Variants in FNDC9 observed in about 807,000 individuals in gnomAD.
FNDC9 encodes the protein fibronectin type III domain-containing protein 9.
FNDC9 carries 3 observed loss-of-function variants against 9.0 expected under a neutral mutation model. That is an observed-to-expected ratio of 0.33 (90% CI 0.15 to 0.86). The LOEUF is 0.86. Among genes scored for constraint, FNDC9 ranks in the 40% least tolerant of loss-of-function variants. The pLI, the probability that FNDC9 is intolerant of heterozygous loss-of-function variation, is 0.53. For synonymous variants in FNDC9, 114 were observed against 115.6 expected (o/e 0.99, Z 0.09); for missense variants, 279 against 287.2 (o/e 0.97, Z 0.21).
rs141743285 is a variant in FNDC9 at position 157,343,006 on chromosome 5, C to A, written c.531G>T (p.Gly177=). 304 of 1,614,078 alleles carry A rather than the reference C, an allele frequency of 1.9e-4. No individual in the cohort carries two copies. Among genetic ancestry groups the A allele is most frequent in the Non-Finnish European group, 2.4e-4 (286 of 1,180,042 alleles). The change falls in exon 2 of 2, where the codon GGG becomes GGT. Residue 177 remains glycine, a synonymous_variant. Transcript: ENST00000312349. ...DLGQREEDLQ[G]LPLVEMPRKN... ...TGCGTGGCATTTCCACCAGGGGGAG[C>A]CCCTGCAGGTCTTCCTCCCTCTGAC...
chr5:157,343,665 A>C, intron 1 of FNDC9, 122 bp from the exon 2 acceptor site: 1 of 805,934 alleles, frequency 1.2e-6, no homozygotes, highest in East Asian at 2.7e-5. Flanking sequence ...TCTTACAGAC[A>C]AAGAAATGGA....
chr5:157,342,634 G>T lies in FNDC9; in HGVS notation c.*228C>A. ...CTTTCAATTCTTAACTGTGTCCTCC[G>T]AGTGGACGCTGCTGCTGAGATGCCT... is the stretch of plus-strand genomic sequence containing the variant. On this transcript the variant is annotated 3_prime_UTR_variant, in exon 2 of 2. Coordinates refer to ENST00000312349, the MANE Select transcript of FNDC9 (RefSeq NM_001001343.4). The T allele has an allele frequency of 6.4e-6, 3 of 468,894 alleles. No homozygotes were observed. Among genetic ancestry groups the T allele is most frequent in the South Asian group, 1.1e-4 (2 of 18,164 alleles). The allele number at this position is 468,894 out of a possible 1,614,324, so 29.0% of individuals were successfully genotyped here. A position where few individuals can be genotyped will look rare whatever the true frequency, so the allele number is the denominator to read the frequency against.
rs921564733 is a variant in FNDC9 at position 157,343,004 on chromosome 5, A to T, written c.533T>A (p.Leu178His). Reference protein sequence around the residue: ...LGQREEDLQGLPLVEMPRKNS... With the variant: ...LGQREEDLQGHPLVEMPRKNS... ...CTTGCGTGGCATTTCCACCAGGGGG[A>T]GCCCCTGCAGGTCTTCCTCCCTCTG... The change falls in exon 2 of 2, where the codon CTC becomes CAC. Residue 178 changes from leucine (L) to histidine (H), a missense_variant. Transcript: ENST00000312349. The T allele has an allele frequency of 3.1e-6, 5 of 1,613,854 alleles. No individual in the cohort carries two copies. In the African/African-American group the frequency reaches 6.7e-5, roughly 22 times the overall value.
chr5:157,343,091 G>A lies in FNDC9; in HGVS notation c.446C>T (p.Ala149Val), dbSNP rs1762407017. The A allele has an allele frequency of 1.9e-6, 3 of 1,614,200 alleles. No individual in the cohort carries two copies. The highest frequency in any genetic ancestry group is 2.5e-6 in the Non-Finnish European group (3 of 1,180,010). ...RCHEPRWSYRAGHMEEANGLV... is the reference protein window; with the variant it reads ...RCHEPRWSYRVGHMEEANGLV... ...CCCATTGGCCTCCTCCATGTGGCCA[G>A]CCCTGTAAGACCATCGCGGCTCATG... Residue 149 changes from alanine (A) to valine (V), a missense_variant, in exon 2 of 2, where the codon GCT (alanine) becomes GTT (valine). Transcript: ENST00000312349.
chr5:157,343,703 A>G (rs1005942947), intron 1 of FNDC9, among the ~76,000 whole-genome samples, 160 bp from the exon 2 acceptor site: 6 of 152,282 alleles, frequency 3.9e-5, no homozygotes, highest in Admixed American at 2.0e-4. Context: ...ATTTAGGCAT[A>G]GCGAAAAAGT....
Position 157,342,895 on chromosome 5 carries a change from G to T in FNDC9, c.642C>A (p.Asp214Glu), listed in dbSNP as rs746587472. The change falls in exon 2 of 2, where the codon GAC (aspartate) becomes GAA (glutamate). Residue 214 changes from aspartate (D) to glutamate (E), a missense_variant. Coordinates refer to ENST00000312349, the MANE Select transcript of FNDC9 (RefSeq NM_001001343.4). ...DAGALQRGGG[D>E]PPAILPHCGE is the part of the protein sequence containing the mutation. ...CACAATGAGGCAGTATAGCGGGTGG[G>T]TCACCACCCCCCCTCTGTAAGGCAC... The T allele has an allele frequency of 3.7e-6, 6 of 1,613,734 alleles. No individual in the cohort carries two copies. The highest frequency in any genetic ancestry group is 1.3e-5 in the African/African-American group (1 of 74,916).
chr5:157,343,311 T>C lies in FNDC9; in HGVS notation c.226A>G (p.Ile76Val). 1 of 1,614,134 alleles carries C rather than the reference T, an allele frequency of 6.2e-7. No homozygotes were observed. The highest frequency in any genetic ancestry group is 8.5e-7 in the Non-Finnish European group (1 of 1,180,012). The change falls in exon 2 of 2, where the codon ATC (isoleucine) becomes GTC (valine). Residue 76 changes from isoleucine (I) to valine (V), a missense_variant. Ile to Val is a conservative substitution (Grantham distance 29, BLOSUM62 3). Transcript: ENST00000312349. ...GGGAAGGCAGCCTTCTTACAGCTGA[T>C]GCACAGGAAGTAGAGAGTGGAAGGG... ...LAPSTLYFLC[I>V]SCKKAAFPYR...
At chr5:157,343,634 C>G in intron 1 of FNDC9, 91 bp from the exon 2 acceptor site, 1 of 1,030,040 alleles carries the variant, frequency 9.7e-7, no homozygotes, top group African/African-American at 1.6e-5. Flanking sequence ...ACATTTGAGA[C>G]GGGCACTCAT....
At chr5:157,344,118 A>C (rs1231596824) in intron 1 of FNDC9, among the ~76,000 whole-genome samples, 1 of 151,976 alleles carries the variant, frequency 6.6e-6, no homozygotes, top group East Asian at 1.9e-4. Context: ...TCTCACCCCA[A>C]AGCTTCTGCT....
At chr5:157,344,736 C>T (rs535582345) in intron 1 of FNDC9, among the ~76,000 whole-genome samples, 31 of 152,186 alleles carry the variant, frequency 2.0e-4, no homozygotes, top group Non-Finnish European at 5.9e-5. Flanking sequence ...CACATGAAAC[C>T]CCGTAGGTTT....
rs557822459 is a variant in FNDC9 at position 157,345,376 on chromosome 5, C to T, written c.-8+165G>A. The T allele has an allele frequency of 3.9e-5, 6 of 152,728 alleles. No individual in the cohort carries two copies. The South Asian group carries it at 1.2e-3, about 32-fold the overall frequency. The allele number at this position is 152,728 out of a possible 1,614,324, so 9.5% of individuals were successfully genotyped here. On this transcript the variant is annotated intron_variant, in intron 1 of 1. Transcript: ENST00000312349. Reference sequence around the variant, plus strand: ...TTTCTGTCAAGACGCAAATAGCATCCTCACCTTTTAGGACCAGGTCCGTCT... The same window carrying T: ...TTTCTGTCAAGACGCAAATAGCATCTTCACCTTTTAGGACCAGGTCCGTCT...
rs373483059 is a variant in FNDC9, at chr5:157,343,309, G to A, written c.228C>T (p.Ile76=). ...LAPSTLYFLC[I]SCKKAAFPYR... is the part of the protein sequence containing the mutation. Reference sequence around the variant, plus strand: ...AAGGGAAGGCAGCCTTCTTACAGCTGATGCACAGGAAGTAGAGAGTGGAAG... The same window carrying A: ...AAGGGAAGGCAGCCTTCTTACAGCTAATGCACAGGAAGTAGAGAGTGGAAG... Residue 76 remains isoleucine (I), a synonymous_variant, in exon 2 of 2, where the codon ATC becomes ATT. Coordinates refer to ENST00000312349, the MANE Select transcript of FNDC9 (RefSeq NM_001001343.4). The A allele has an allele frequency of 3.3e-5, 53 of 1,614,094 alleles. No individual in the cohort carries two copies. Among genetic ancestry groups the A allele is most frequent in the Non-Finnish European group, 4.1e-5 (48 of 1,180,048 alleles).
chr5:157,345,002 T>C (rs1400076613), intron 1 of FNDC9, among the ~76,000 whole-genome samples: 1 of 152,230 alleles, frequency 6.6e-6, no homozygotes, highest in Non-Finnish European at 1.5e-5. Context: ...GAATAGTGTC[T>C]TTCTATGTGG....
intron 1 of FNDC9, among the ~76,000 whole-genome samples, chr5:157,344,805 A>C (rs1053784112): frequency 4.6e-5 from 7 of 152,146 alleles, no homozygotes; most frequent in Non-Finnish European, 5.9e-5. Context: ...CCTGCATTGG[A>C]TATTAAGCCA....
Position 157,343,158 on chromosome 5 carries a change from C to G in FNDC9, c.379G>C (p.Val127Leu), listed in dbSNP as rs780016703. Residue 127 changes from valine (V) to leucine (L), a missense_variant, in exon 2 of 2, where the codon GTC becomes CTC. Physicochemically the swap from Val to Leu is conservative, Grantham distance 32. Coordinates refer to ENST00000312349, the MANE Select transcript of FNDC9 (RefSeq NM_001001343.4). ...AACTGGAGGCAGATGAAGGCCAAGA[C>G]GGCTGTGAAGCAGGCCAGCAGAATG... ...MAILLACFTA[V>L]LAFICLQFWC... 4 of 1,614,072 alleles carry G rather than the reference C, an allele frequency of 2.5e-6. No homozygotes were observed. The highest frequency in any genetic ancestry group is 1.3e-5 in the African/African-American group (1 of 74,910).
At position 157,342,472 on chromosome 5, in the gene FNDC9, C is replaced by T. The variant is rs915102585; in HGVS notation, c.*390G>A. 6.0e-6 allele frequency: 1 copy of T among 166,412 alleles called. No individual in the cohort carries two copies. The highest frequency in any genetic ancestry group is 2.4e-5 in the African/African-American group (1 of 41,930). The allele number at this position is 166,412 out of a possible 1,614,324, so 10.3% of individuals were successfully genotyped here. A position where few individuals can be genotyped will look rare whatever the true frequency, so the allele number is the denominator to read the frequency against. On this transcript the variant is annotated 3_prime_UTR_variant, in exon 2 of 2. Coordinates refer to ENST00000312349, the MANE Select transcript of FNDC9 (RefSeq NM_001001343.4). ...AAGGGCAGAGGAAACTGGACATCTA[C>T]CTTTGCCCAAAAGTGTACCTCTGAG...
Position 157,343,391 on chromosome 5 carries a change from T to C in FNDC9, c.146A>G (p.His49Arg). The C allele has an allele frequency of 1.9e-6, 3 of 1,614,142 alleles. No individual in the cohort carries two copies. Among genetic ancestry groups the C allele is most frequent in the Non-Finnish European group, 2.5e-6 (3 of 1,180,024 alleles). Residue 49 changes from histidine to arginine, a missense_variant, in exon 2 of 2, where the codon CAC (histidine) becomes CGC (arginine). Transcript: ENST00000312349. ...IFSGYLRYSF[H>R]HEEKVPRTIS... ...CGTTCGAGGCACCTTCTCCTCGTGG[T>C]GGAAGCTGTAGCGAAGATAGCCAGA...
chr5:157,343,092 C>A lies in FNDC9; in HGVS notation c.445G>T (p.Ala149Ser). ...CCATTGGCCTCCTCCATGTGGCCAG[C>A]CCTGTAAGACCATCGCGGCTCATGG... ...RCHEPRWSYR[A>S]GHMEEANGLV... The change falls in exon 2 of 2, where the codon GCT becomes TCT. Residue 149 changes from alanine to serine, a missense_variant. Physicochemically the swap from Ala to Ser is moderately conservative, Grantham distance 99 (BLOSUM62 1). Transcript: ENST00000312349. 6.2e-7 allele frequency: 1 copy of A among 1,614,196 alleles called. No homozygotes were observed.
rs1762621348 is a variant in FNDC9 at position 157,345,561 on chromosome 5, G to T, written c.-28C>A. The T allele has an allele frequency of 6.6e-6, 1 of 152,646 alleles. No homozygotes were observed. The highest frequency in any genetic ancestry group is 1.9e-4 in the East Asian group (1 of 5,196). 9.5% of individuals were successfully genotyped at this position (152,646 alleles called of 1,614,324 possible). A position where few individuals can be genotyped will look rare whatever the true frequency, so the allele number is the denominator to read the frequency against. On this transcript the variant is annotated 5_prime_UTR_variant, in exon 1 of 2. Coordinates refer to ENST00000312349, the MANE Select transcript of FNDC9 (RefSeq NM_001001343.4). ...CTTACCTGATGCTTGCAGCGTGTCT[G>T]GTTAGAGCTCTGCCCTCCGAGGTGC...
Sources: gnomAD v4.1 joint callset for allele counts (sites outside exome capture counted in the v4.1 genomes callset) on GRCh38, gnomAD v4.1.1 for gene constraint, MANE v1.5 for transcripts, NCBI Gene and HGNC (gene_info 2026-07-23, HGNC 2026-07-21) for gene names.